FAM161A: variants seen among roughly 807,000 people sequenced by gnomAD.
FAM161A encodes the protein protein FAM161A.
FAM161A carries 57 observed loss-of-function variants against 70.9 expected under a neutral mutation model. The observed-to-expected ratio is 0.80, with a 90% CI of 0.65 to 1.00. The LOEUF is 1.00. Ranked by LOEUF, FAM161A falls within the 50% of genes least tolerant of loss-of-function variation. The pLI is 0.00. For missense variants in FAM161A, 880 were observed against 836.0 expected, an observed-to-expected ratio of 1.05 and a Z score of -0.65; for synonymous variants, 299 against 295.7, an observed-to-expected ratio of 1.01 and a Z score of -0.12.
chr2:61,826,953 G>T, intron 6 of FAM161A, 151 bp downstream of exon 6: 1 of 714,800 alleles, frequency 1.4e-6, no homozygotes, highest in Non-Finnish European at 2.3e-6. Flanking sequence ...ATATCAGTGT[G>T]TTTTACAACA....
Position 61,826,526 on chromosome 2 carries a change from C to T in FAM161A, c.2080G>A (p.Asp694Asn). The change falls in exon 7 of 7, where the codon GAT (aspartate) becomes AAT (asparagine). Residue 694 changes from aspartate to asparagine, a missense_variant. Coordinates refer to ENST00000404929, the MANE Select transcript of FAM161A (RefSeq NM_001201543.2). ...GCTTCATCTTTTTCCTTGTAAGAAT[C>T]CTGGCTGTTGGTATCAATAAAATAA... Reference protein sequence around the residue: ...ENYFIDTNSQDSYKEKDEANE... With the variant: ...ENYFIDTNSQNSYKEKDEANE... 6.2e-7 allele frequency: 1 copy of T among 1,605,840 alleles called. No individual in the cohort carries two copies. The highest frequency in any genetic ancestry group is 8.5e-7 in the Non-Finnish European group (1 of 1,174,814).
the FAM161A span, among the ~76,000 whole-genome samples, chr2:61,800,750 A>G: frequency 1.3e-5 from 2 of 152,370 alleles, no homozygotes; most frequent in East Asian, 3.9e-4. Context: ...AGCAGCTGGC[A>G]GTGTCTGCCA....
At chr2:61,816,777 T>C in the FAM161A span, among the ~76,000 whole-genome samples, 5 of 152,174 alleles carry the variant, frequency 3.3e-5, no homozygotes, top group Non-Finnish European at 7.3e-5. Flanking sequence ...GTGTGTACTT[T>C]AACTTGGAGC....
intron 3 of FAM161A, among the ~76,000 whole-genome samples, chr2:61,838,932 G>C (rs1672888639): frequency 6.6e-6 from 1 of 150,602 alleles, no homozygotes; most frequent in African/African-American, 2.5e-5. Flanking sequence ...GCCCAGGCTG[G>C]AGTGCCATGG....
At position 61,827,130 on chromosome 2, in the gene FAM161A, C is replaced by T. The variant is rs781330959; in HGVS notation, c.1980G>A (p.Thr660=). The stretch of plus-strand genomic sequence containing the variant: ...TTTCTTTGTCTTCAGTGACACTTTT[C>T]GTCTCTTGATTGTTGAAGTACTCAA... The part of the protein sequence containing the change: ...KVLEYFNNQE[T]KSVTEDKESF... The change falls in exon 6 of 7, where the codon ACG becomes ACA. Residue 660 remains threonine, a synonymous_variant. Transcript: ENST00000404929. 8 of 1,613,678 alleles carry T rather than the reference C, an allele frequency of 5.0e-6. No individual in the cohort carries two copies. Among genetic ancestry groups the T allele is most frequent in the African/African-American group, 1.3e-5 (1 of 74,898 alleles).
chr2:61,817,000 T>C, the FAM161A span, among the ~76,000 whole-genome samples: 1 of 152,248 alleles, frequency 6.6e-6, no homozygotes, highest in South Asian at 2.1e-4. Flanking sequence ...AGAAAGAAAC[T>C]GCAATTCGAA....
At chr2:61,828,427 C>T (rs1672455531) in intron 5 of FAM161A, among the ~76,000 whole-genome samples, 1 of 152,070 alleles carries the variant, frequency 6.6e-6, no homozygotes, top group Non-Finnish European at 1.5e-5. Flanking sequence ...CTGCTGGGCT[C>T]AAGCGATCCT....
At chr2:61,828,375 C>T (rs1007393396) in intron 5 of FAM161A, among the ~76,000 whole-genome samples, 3 of 151,576 alleles carry the variant, frequency 2.0e-5, no homozygotes, top group African/African-American at 7.3e-5. Flanking sequence ...GTCACCCAGG[C>T]TGGAGTGCAG....
intron 5 of FAM161A, among the ~76,000 whole-genome samples, chr2:61,827,693 C>T (rs1672426202): frequency 6.6e-6 from 1 of 151,642 alleles, no homozygotes; most frequent in South Asian, 2.1e-4. Context: ...AATCTGCATA[C>T]CCTATGACCA....
In FAM161A at chr2:61,826,600, C is replaced by T. The variant is rs771089237; in HGVS notation, c.2007-1G>A. ...TTCTATTTTTTCTTCTTCATTAAAGCTAGGGGAAGAAATTTATCAATCTTT... is the reference window on the plus strand; with the variant it reads ...TTCTATTTTTTCTTCTTCATTAAAGTTAGGGGAAGAAATTTATCAATCTTT... On this transcript the variant is annotated splice_acceptor_variant, in intron 6 of 6. Transcript: ENST00000404929. LOFTEE classifies it high-confidence loss of function. 6.2e-7 allele frequency: 1 copy of T among 1,600,540 alleles called. No individual in the cohort carries two copies. Among genetic ancestry groups the T allele is most frequent in the South Asian group, 1.1e-5 (1 of 89,986 alleles).
At chr2:61,835,237 A>T (rs1672729018) in intron 5 of FAM161A, among the ~76,000 whole-genome samples, 1 of 152,182 alleles carries the variant, frequency 6.6e-6, no homozygotes, top group Non-Finnish European at 1.5e-5. Context: ...AGAACCTGTA[A>T]CCTCCAGTGA....
intron 1 of FAM161A, among the ~76,000 whole-genome samples, chr2:61,847,988 T>G (rs17513924): frequency 0.17 from 25,220 of 152,176 alleles, 2,635 homozygotes; most frequent in Middle Eastern, 0.29. Context: ...CTGGCTGCTC[T>G]AAAGAGCTAT....
At chr2:61,843,809 G>T (rs984691124) in intron 1 of FAM161A, among the ~76,000 whole-genome samples, 2 of 152,072 alleles carry the variant, frequency 1.3e-5, no homozygotes, top group African/African-American at 4.8e-5. Context: ...GGACAATGTT[G>T]TACTACTTGG....
At chr2:61,822,026 C>A (rs1672213421), downstream of FAM161A, among the ~76,000 whole-genome samples, 1 of 151,888 alleles carries the variant, frequency 6.6e-6, no homozygotes, top group Non-Finnish European at 1.5e-5. Flanking sequence ...GCCTCAGCCT[C>A]CCAAAGTGCT....
chr2:61,835,973 A>T, intron 5 of FAM161A, 37 bp downstream of exon 5: 1 of 1,450,988 alleles, frequency 6.9e-7, no homozygotes, highest in Non-Finnish European at 9.6e-7. Context: ...AAAAAAAAAA[A>T]AACTGACGAT....
At chr2:61,801,273 G>A in the FAM161A span, among the ~76,000 whole-genome samples, 1 of 151,498 alleles carries the variant, frequency 6.6e-6, no homozygotes, top group Non-Finnish European at 1.5e-5. Context: ...TGAGGCGGGC[G>A]GATCATGAGG....
chr2:61,806,001 T>G, the FAM161A span, among the ~76,000 whole-genome samples: 8 of 152,196 alleles, frequency 5.3e-5, no homozygotes, highest in Non-Finnish European at 2.9e-5. Flanking sequence ...GATGATCATT[T>G]TAGCTCAGGA....
chr2:61,838,843 T>G, intron 3 of FAM161A, 138 bp from the exon 4 acceptor site: 1 of 358,200 alleles, frequency 2.8e-6, no homozygotes, highest in Non-Finnish European at 4.8e-6. Context: ...ATCTGACCTG[T>G]AAAACTAGAA....
Position 61,839,533 on chromosome 2 carries a change from A to C in FAM161A, c.1471T>G (p.Leu491Val). 2.5e-6 allele frequency: 4 copies of C among 1,614,180 alleles called. No individual in the cohort carries two copies. The highest frequency in any genetic ancestry group is 3.4e-6 in the Non-Finnish European group (4 of 1,180,024). ...ACTGGTGACTTACGCCTTGGAGACA[A>C]ATAAGGCCAACGTGTTTCTTTTAAA... ...ENLKETRWPY[L>V]SPRRKSPVRC... is the part of the protein sequence containing the mutation. Residue 491 changes from leucine to valine, a missense_variant, in exon 3 of 7, where the codon TTG becomes GTG. Coordinates refer to ENST00000404929, the MANE Select transcript of FAM161A (RefSeq NM_001201543.2).
Sources: gnomAD v4.1 joint callset for allele counts (sites outside exome capture counted in the v4.1 genomes callset) on GRCh38, gnomAD v4.1.1 for gene constraint, MANE v1.5 for transcripts, NCBI Gene and HGNC (gene_info 2026-07-23, HGNC 2026-07-21) for gene names.